The following SSH2 variants were observed in gnomAD, a reference collection of about 807,000 sequenced individuals.
The protein encoded by SSH2 is slingshot protein phosphatase 2, also known as protein phosphatase Slingshot homolog 2.
SSH2 carries 37 observed loss-of-function variants against 135.2 expected under a neutral mutation model. That is an observed-to-expected ratio of 0.27 (90% CI 0.21 to 0.36). SSH2 has a LOEUF of 0.36. Among genes scored for constraint, SSH2 ranks in the 10% least tolerant of loss-of-function variants. The pLI is 1.00. For synonymous variants in SSH2, 628 were observed against 646.2 expected (o/e 0.97, Z 0.43); for missense variants, 1,408 against 1,765.3 (o/e 0.80, Z 3.63).
intron 3 of SSH2, among the ~76,000 whole-genome samples, chr17:29,752,060 C>T (rs2040963099): frequency 6.6e-6 from 1 of 152,108 alleles, no homozygotes; most frequent in Non-Finnish European, 1.5e-5. Flanking sequence ...ATTTAAAAAA[C>T]AGTGAATAAT....
intron 1 of SSH2, among the ~76,000 whole-genome samples, chr17:29,857,882 A>G (rs746460235): frequency 6.6e-5 from 10 of 152,282 alleles, no homozygotes; most frequent in Non-Finnish European, 1.3e-4. Flanking sequence ...TCCACCAAAC[A>G]ACTCTTCATT....
intron 1 of SSH2, among the ~76,000 whole-genome samples, chr17:29,919,783 CAAAT>C (rs1287481273): frequency 6.7e-6 from 1 of 150,242 alleles, no homozygotes. Flanking sequence ...AATGGATTAA[CAAAT>C]AAACATAAAA....
At chr17:29,800,746 T>C (rs2042236728) in intron 2 of SSH2, among the ~76,000 whole-genome samples, 1 of 151,924 alleles carries the variant, frequency 6.6e-6, no homozygotes, top group South Asian at 2.1e-4. Flanking sequence ...GCCCTATTGT[T>C]AAATAGCTTT....
At chr17:29,678,840 G>A (rs1192372328) in intron 6 of SSH2, among the ~76,000 whole-genome samples, 3 of 147,638 alleles carry the variant, frequency 2.0e-5, no homozygotes, top group Admixed American at 6.9e-5. Context: ...TCAGCCTCCC[G>A]AGTAGCTGGG....
intron 3 of SSH2, among the ~76,000 whole-genome samples, chr17:29,744,259 C>A (rs1225549148): frequency 6.6e-6 from 1 of 152,046 alleles, no homozygotes; most frequent in Non-Finnish European, 1.5e-5. Flanking sequence ...TCCACACACT[C>A]CTGGGTTTCT....
chr17:29,640,925 T>A (rs1233429771), intron 14 of SSH2: 1 of 152,234 alleles, frequency 6.6e-6, no homozygotes, highest in East Asian at 1.9e-4. Flanking sequence ...AATGGATTTT[T>A]TTTTTAAAGA....
intron 2 of SSH2, among the ~76,000 whole-genome samples, chr17:29,812,982 A>G (rs1027001083): frequency 6.6e-6 from 1 of 152,218 alleles, no homozygotes; most frequent in Non-Finnish European, 1.5e-5. Context: ...AAATAAAAAT[A>G]AAAAACAAAA....
chr17:29,700,440 C>T (rs2038930448), intron 4 of SSH2, among the ~76,000 whole-genome samples: 1 of 152,140 alleles, frequency 6.6e-6, no homozygotes, highest in South Asian at 2.1e-4. Flanking sequence ...CTTTTAAAAC[C>T]TCATCATCAC....
chr17:29,632,547 G>A lies in SSH2; in HGVS notation c.2647C>T (p.His883Tyr), dbSNP rs1342304406. 4 of 1,614,198 alleles carry A rather than the reference G, an allele frequency of 2.5e-6. No individual in the cohort carries two copies. Among genetic ancestry groups the A allele is most frequent in the East Asian group, 2.2e-5 (1 of 44,888 alleles). Residue 883 changes from histidine (H) to tyrosine (Y), a missense_variant, in exon 16 of 16, where the codon CAC becomes TAC. Around this residue, in one of 3 missense-constraint regions of SSH2, gnomAD observed 1,080 missense variants for 1,144.5 expected, o/e 0.94. Transcript: ENST00000540801. ...GEQELQGSGM[H>Y]PGAKWYPGSV... ...CCAGGGTACCACTTGGCACCTGGGTGCATCCCTGAGCCCTGGAGCTCTTGT... is the reference window on the plus strand; with the variant it reads ...CCAGGGTACCACTTGGCACCTGGGTACATCCCTGAGCCCTGGAGCTCTTGT...
chr17:29,662,395 A>C (rs1157851230), intron 11 of SSH2, among the ~76,000 whole-genome samples: 2 of 152,240 alleles, frequency 1.3e-5, no homozygotes, highest in African/African-American at 4.8e-5. Context: ...ATCTCTGTCC[A>C]TATTTTATCA....
At chr17:29,928,481 T>A in intron 1 of SSH2, 1 of 398,544 alleles carries the variant, frequency 2.5e-6, no homozygotes, top group East Asian at 3.6e-5. Flanking sequence ...TTTCCAGCAA[T>A]GTGCACTCAC....
At chr17:29,664,306 G>A (rs1201339777) in intron 11 of SSH2, among the ~76,000 whole-genome samples, 2 of 151,544 alleles carry the variant, frequency 1.3e-5, no homozygotes, top group Non-Finnish European at 1.5e-5. Context: ...CTGGGAGGTG[G>A]AGGTTGCAGT....
intron 2 of SSH2, among the ~76,000 whole-genome samples, chr17:29,840,054 C>T (rs1160805019): frequency 6.6e-6 from 1 of 152,110 alleles, no homozygotes; most frequent in Non-Finnish European, 1.5e-5. Context: ...CCACCCTTTC[C>T]AAAGGGTAAA....
At chr17:29,822,491 A>G (rs548585382) in intron 2 of SSH2, among the ~76,000 whole-genome samples, 1 of 151,902 alleles carries the variant, frequency 6.6e-6, no homozygotes, top group African/African-American at 2.4e-5. Flanking sequence ...CCTCCCAAGT[A>G]GCTGGGACTA....
In SSH2 at chr17:29,707,437, A is replaced by G. The variant is rs562791313; in HGVS notation, c.189-4375T>C. ...TAGTATAAATATCACAAATTCACAT[A>G]TAAGAGAAAAGAGGCTTTCCTATTT... On this transcript the variant is annotated intron_variant, in intron 3 of 15. Coordinates refer to ENST00000540801, the MANE Select transcript of SSH2 (RefSeq NM_001282129.2). Among the ~76,000 whole-genome samples, 8 of 152,314 alleles carry G rather than the reference A, an allele frequency of 5.3e-5. No homozygotes were observed. In the South Asian group the frequency reaches 1.2e-3, roughly 24 times the overall value.
intron 2 of SSH2, among the ~76,000 whole-genome samples, chr17:29,840,260 C>T (rs957440615): frequency 1.3e-5 from 2 of 152,126 alleles, no homozygotes; most frequent in Non-Finnish European, 2.9e-5. Context: ...TTGTTTCTGC[C>T]TACAAATTGT....
intron 6 of SSH2, among the ~76,000 whole-genome samples, chr17:29,679,359 C>T (rs908880668): frequency 5.3e-5 from 8 of 151,874 alleles, no homozygotes; most frequent in African/African-American, 1.9e-4. Context: ...GGCTCTGGAA[C>T]CTGGTTTCTT....
chr17:29,857,702 C>T (rs2065687901), intron 1 of SSH2, among the ~76,000 whole-genome samples: 1 of 152,274 alleles, frequency 6.6e-6, no homozygotes, highest in South Asian at 2.1e-4. Flanking sequence ...CCCAGAAAGG[C>T]TGCAAACTCC....
At chr17:29,652,784 A>T (rs1342821644) in intron 12 of SSH2, among the ~76,000 whole-genome samples, 1 of 151,990 alleles carries the variant, frequency 6.6e-6, no homozygotes, top group Non-Finnish European at 1.5e-5. Flanking sequence ...CAGCCTCCCG[A>T]GTAGCTGGGA....
Sources: allele counts gnomAD v4.1 joint callset (sites outside exome capture counted in the v4.1 genomes callset), GRCh38; gene constraint gnomAD v4.1.1; regional missense constraint gnomAD v4.1.1; transcripts MANE v1.5; gene names NCBI Gene and HGNC (gene_info 2026-07-23, HGNC 2026-07-21).